ANK1: variants seen among roughly 807,000 people sequenced by gnomAD.
ANK1 encodes ankyrin-1.
ANK1 carries 51 observed loss-of-function variants against 210.4 expected under a neutral mutation model. The ratio of observed to expected loss-of-function variants is 0.24; its 90% CI spans 0.19 to 0.31. The LOEUF is 0.31. ANK1 is among the 10% of genes least tolerant of loss of function. ANK1 has a pLI of 1.00. For missense variants in ANK1, 2,051 were observed against 2,504.4 expected (o/e 0.82, Z 3.86); for synonymous variants, 967 against 1,025.9 (o/e 0.94, Z 1.10).
At position 41,774,461 on chromosome 8, in the gene ANK1, C is replaced by T. The variant is rs533566423; in HGVS notation, c.28-16324G>A. ...CCCTGTAGAAACAGCCTGGGGACCA[C>T]TGTCCTCTTCTGGGCAGGGAAGTTT... is the stretch of plus-strand genomic sequence containing the variant. On this transcript the variant is annotated intron_variant, in intron 1 of 42. Transcript: ENST00000289734. Among the ~76,000 whole-genome samples, 15 of 152,364 alleles carry T rather than the reference C, an allele frequency of 9.8e-5. No individual in the cohort carries two copies. The South Asian group carries it at 2.7e-3, about 27-fold the overall frequency.
chr8:41,890,544 A>G (rs752572343), intron 1 of ANK1, among the ~76,000 whole-genome samples: 1 of 152,156 alleles, frequency 6.6e-6, no homozygotes, highest in Non-Finnish European at 1.5e-5. Flanking sequence ...TGCCGTCTCT[A>G]CTAAAAACAC....
chr8:41,837,966 T>A (rs1047659750), intron 1 of ANK1, among the ~76,000 whole-genome samples: 8 of 152,200 alleles, frequency 5.3e-5, no homozygotes, highest in Non-Finnish European at 8.8e-5. Flanking sequence ...TCTGGCCACC[T>A]GAGTTTTAGA....
chr8:41,733,898 G>T, intron 3 of ANK1, 73 bp downstream of exon 3: 1 of 1,209,572 alleles, frequency 8.3e-7, no homozygotes, highest in South Asian at 1.2e-5. Context: ...TCTCATGAAG[G>T]ACTGGTTTCT....
intron 1 of ANK1, among the ~76,000 whole-genome samples, chr8:41,856,052 G>A (rs1229187649): frequency 5.3e-5 from 8 of 152,196 alleles, no homozygotes; most frequent in Admixed American, 4.6e-4. Flanking sequence ...GAAGTCCATG[G>A]ATGAAATTCT....
chr8:41,709,067 C>A (rs1051465370), intron 16 of ANK1, 92 bp from the exon 17 acceptor site: 6 of 1,467,486 alleles, frequency 4.1e-6, no homozygotes, highest in Middle Eastern at 2.4e-4. Context: ...GGTTCTTGGC[C>A]GGCTGGACAC....
At chr8:41,819,074 CACTGGTTT>C (rs1174317170) in intron 1 of ANK1, among the ~76,000 whole-genome samples, 1 of 152,226 alleles carries the variant, frequency 6.6e-6, no homozygotes, top group African/African-American at 2.4e-5. Flanking sequence ...GCCCAGACCT[CACTGGTTT>C]CTCATAAATA....
chr8:41,718,529 T>C (rs1828359146), intron 10 of ANK1, among the ~76,000 whole-genome samples: 1 of 152,200 alleles, frequency 6.6e-6, no homozygotes, highest in African/African-American at 2.4e-5. Flanking sequence ...AAATTTACAA[T>C]AAAAGAGTAC....
chr8:41,743,913 C>T (rs879902756), intron 2 of ANK1, among the ~76,000 whole-genome samples: 11 of 152,086 alleles, frequency 7.2e-5, no homozygotes, highest in South Asian at 4.1e-4. Context: ...ATGGGCTCAT[C>T]GGGGGCTGGA....
chr8:41,660,533 C>T (rs190594944), intron 42 of ANK1: 22 of 467,232 alleles, frequency 4.7e-5, no homozygotes, highest in Admixed American at 1.7e-4. Flanking sequence ...AGATCAGAGC[C>T]GGCCGCTGAA....
chr8:41,868,635 C>T (rs1814921441), intron 1 of ANK1, among the ~76,000 whole-genome samples: 1 of 152,230 alleles, frequency 6.6e-6, no homozygotes, highest in Non-Finnish European at 1.5e-5. Context: ...TCCAGCAGAT[C>T]TTCTGGTAGG....
chr8:41,720,719 G>GGGAGGGAGGAGGTGA (rs1156886339), intron 9 of ANK1, among the ~76,000 whole-genome samples: 1 of 152,110 alleles, frequency 6.6e-6, no homozygotes, highest in Non-Finnish European at 1.5e-5. Context: ...GAGGGGCACT[G>GGGAGGGAGGAGGTGA]GGAGGGAGGA....
At chr8:41,747,031 C>G (rs1836363441) in intron 2 of ANK1, among the ~76,000 whole-genome samples, 1 of 152,096 alleles carries the variant, frequency 6.6e-6, no homozygotes, top group Non-Finnish European at 1.5e-5. Context: ...CGTCTGAATT[C>G]CATAATTCCA....
chr8:41,670,612 C>T (rs368234657), intron 38 of ANK1, among the ~76,000 whole-genome samples: 1 of 152,218 alleles, frequency 6.6e-6, no homozygotes, highest in African/African-American at 2.4e-5. Flanking sequence ...TTTGCTGTCT[C>T]AACTTCCAAA....
Position 41,653,839 on chromosome 8 carries a change from GGAGCTA to G in ANK1, c.*1945_*1950del, listed in dbSNP as rs1804835993. ...CGCAGCCTCGGGGAAACTCAGGCCCGGAGCTAGAGCTTCCTCTCCCTGCCCGCCCCT... is the reference window on the plus strand; with the variant it reads ...CGCAGCCTCGGGGAAACTCAGGCCCGGAGCTTCCTCTCCCTGCCCGCCCCT... On this transcript the variant is annotated 3_prime_UTR_variant, in exon 43 of 43. Transcript: ENST00000289734. 2.6e-5 allele frequency: 4 copies of G among 152,204 alleles called. No homozygotes were observed. The highest frequency in any genetic ancestry group is 2.6e-4 in the Admixed American group (4 of 15,292). The allele number at this position is 152,204 out of a possible 1,614,324, so 9.4% of individuals were successfully genotyped here. A position where few individuals can be genotyped will look rare whatever the true frequency, so the allele number is the denominator to read the frequency against.
At chr8:41,770,155 AT>A (rs1053290993) in intron 1 of ANK1, among the ~76,000 whole-genome samples, 5 of 151,402 alleles carry the variant, frequency 3.3e-5, no homozygotes, top group African/African-American at 1.2e-4. Context: ...CTAATTTTGT[AT>A]TTTTTTAGTA....
At chr8:41,850,836 G>A (rs1003159507) in intron 1 of ANK1, among the ~76,000 whole-genome samples, 1 of 152,156 alleles carries the variant, frequency 6.6e-6, no homozygotes, top group African/African-American at 2.4e-5. Flanking sequence ...TAGGCAATAT[G>A]CCTGAAGCCT....
chr8:41,663,922 C>T (rs375832989), intron 39 of ANK1, 180 bp from the exon 40 acceptor site: 15 of 673,420 alleles, frequency 2.2e-5, no homozygotes, highest in African/African-American at 1.4e-4. Flanking sequence ...GCGTGGGCGG[C>T]GCCCCTGAGG....
chr8:41,671,893 C>G (rs1812502583), intron 38 of ANK1, among the ~76,000 whole-genome samples: 2 of 149,036 alleles, frequency 1.3e-5, no homozygotes, highest in Admixed American at 1.3e-4. Context: ...CCTGAGTCCT[C>G]CCGGTGCCCC....
At chr8:41,828,113 C>T (rs1177970678) in intron 1 of ANK1, 2 of 152,280 alleles carry the variant, frequency 1.3e-5, no homozygotes, top group Non-Finnish European at 2.9e-5. Flanking sequence ...ATTTTGATTC[C>T]AGACCCTGGG....
Sources: gnomAD v4.1 joint callset for allele counts (sites outside exome capture counted in the v4.1 genomes callset) on GRCh38, gnomAD v4.1.1 for gene constraint, MANE v1.5 for transcripts, NCBI Gene and HGNC (gene_info 2026-07-23, HGNC 2026-07-21) for gene names.